The following DDHD1 variants were observed in gnomAD, a reference collection of about 807,000 sequenced individuals.
The protein encoded by DDHD1 is DDHD domain containing 1.
In DDHD1, 49 loss-of-function variants were observed where a neutral mutation model predicts 96.4. The ratio of observed to expected loss-of-function variants is 0.51; its 90% confidence interval spans 0.40 to 0.64. The LOEUF is 0.64. DDHD1 is among the 30% of genes least tolerant of loss of function. The pLI is 0.00. For synonymous variants in DDHD1, 442 were observed against 446.5 expected (o/e 0.99, Z 0.13); for missense variants, 1,106 against 1,161.2 (o/e 0.95, Z 0.69).
intron 1 of DDHD1, among the ~76,000 whole-genome samples, chr14:53,122,583 T>TTG (rs1889079810): frequency 2.2e-4 from 2 of 9,102 alleles, no homozygotes; most frequent in South Asian, 0.013. Context: ...CTGCTAATAG[T>TTG]TTTTTTTTTT....
intron 6 of DDHD1, among the ~76,000 whole-genome samples, chr14:53,064,607 A>G (rs1482802608): frequency 6.6e-6 from 1 of 152,124 alleles, no homozygotes; most frequent in Admixed American, 6.5e-5. Flanking sequence ...TGATACTAAA[A>G]TATTTCACTA....
At chr14:53,124,399 T>C (rs939079820) in intron 1 of DDHD1, among the ~76,000 whole-genome samples, 4 of 152,114 alleles carry the variant, frequency 2.6e-5, no homozygotes, top group African/African-American at 9.7e-5. Flanking sequence ...TCTAAAAGAA[T>C]AATGCAGGAC....
At chr14:53,103,580 T>A (rs968517654) in intron 2 of DDHD1, 103 bp downstream of exon 2, 1 of 987,188 alleles carries the variant, frequency 1.0e-6, no homozygotes, top group African/African-American at 1.7e-5. Context: ...ATTTTCTAAT[T>A]CTAAACCTCC....
chr14:53,153,213 C>T lies in DDHD1; in HGVS notation c.-115G>A, dbSNP rs1891601410. 5.2e-6 allele frequency: 5 copies of T among 968,970 alleles called. No homozygotes were observed. The highest frequency in any genetic ancestry group is 6.9e-6 in the Non-Finnish European group (5 of 724,010). 60.0% of individuals were successfully genotyped at this position (968,970 alleles called of 1,614,324 possible). A position where few individuals can be genotyped will look rare whatever the true frequency, so the allele number is the denominator to read the frequency against. On this transcript the variant is annotated 5_prime_UTR_variant, in exon 1 of 13. Coordinates refer to ENST00000673822, the MANE Select transcript of DDHD1 (RefSeq NM_001160148.2). ...CCCGAAGTTTCTAATCTTTCAAATC[C>T]CGACCCGAGCTGCGGCGGCAGCGGC...
chr14:53,059,372 G>C (rs2139853571), intron 8 of DDHD1, among the ~76,000 whole-genome samples: 1 of 152,074 alleles, frequency 6.6e-6, no homozygotes, highest in Admixed American at 6.5e-5. Context: ...AGCCTCCTGA[G>C]TAGCTGGAAC....
chr14:53,079,952 T>C (rs1034962517), intron 4 of DDHD1, among the ~76,000 whole-genome samples: 2 of 152,226 alleles, frequency 1.3e-5, no homozygotes, highest in East Asian at 1.9e-4. Flanking sequence ...TACTGCCACA[T>C]ACTCGTTTTC....
In DDHD1 at chr14:53,058,337, A is replaced by G. The variant is rs554815331; in HGVS notation, c.1992+140T>C. 3.3e-6 allele frequency: 3 copies of G among 902,990 alleles called. No homozygotes were observed. In the Admixed American group the frequency reaches 8.1e-5, roughly 25 times the overall value. The allele number at this position is 902,990 out of a possible 1,614,324, so 55.9% of individuals were successfully genotyped here. On this transcript the variant is annotated intron_variant, in intron 9 of 12. Coordinates refer to ENST00000673822, the MANE Select transcript of DDHD1 (RefSeq NM_001160148.2). ...ACCACATTGGTCAGGCTGGTCTTGA[A>G]CTCCTGACCTCAGATGATGCGCCCG...
intron 6 of DDHD1, 138 bp from the exon 7 acceptor site, chr14:53,063,343 C>CT (rs1379720924): frequency 3.1e-5 from 31 of 993,390 alleles, no homozygotes; most frequent in Non-Finnish European, 4.3e-5. Flanking sequence ...TAACTTAGGT[C>CT]TTTCAAAATC....
At chr14:53,135,152 T>C (rs1890139409) in intron 1 of DDHD1, among the ~76,000 whole-genome samples, 1 of 152,166 alleles carries the variant, frequency 6.6e-6, no homozygotes, top group South Asian at 2.1e-4. Context: ...AGCTAAGCCA[T>C]CATATCCCCT....
chr14:53,079,244 C>G (rs757574431), intron 4 of DDHD1, among the ~76,000 whole-genome samples: 12 of 151,950 alleles, frequency 7.9e-5, no homozygotes, highest in Non-Finnish European at 1.3e-4. Context: ...CTTCCTTCCT[C>G]TTCCATTTTT....
At chr14:53,073,631 T>C (rs910804200) in intron 5 of DDHD1, 110 bp downstream of exon 5, 219 of 775,460 alleles carry the variant, frequency 2.8e-4, no homozygotes, top group Non-Finnish European at 6.5e-5. Context: ...GACAATTAAA[T>C]TGAAGACACT....
chr14:53,112,713 C>A (rs535554955), intron 1 of DDHD1, among the ~76,000 whole-genome samples: 1 of 152,264 alleles, frequency 6.6e-6, no homozygotes, highest in African/African-American at 2.4e-5. Flanking sequence ...GTGTAAGTAA[C>A]ATGTGGAATA....
In DDHD1 at chr14:53,040,288, T is replaced by C. The variant is rs1285238066; in HGVS notation, c.*6480A>G. 6.6e-6 allele frequency: 1 copy of C among 152,224 alleles called. No homozygotes were observed. The highest frequency in any genetic ancestry group is 1.5e-5 in the Non-Finnish European group (1 of 68,040). The allele number at this position is 152,224 out of a possible 1,614,324, so 9.4% of individuals were successfully genotyped here. On this transcript the variant is annotated 3_prime_UTR_variant, in exon 13 of 13. Transcript: ENST00000673822. ...AAGTGTACTTTATCCTCTGATGTTCTAGAGGGAGTTGTGGCCACTAGCCTT... is the reference window on the plus strand; with the variant it reads ...AAGTGTACTTTATCCTCTGATGTTCCAGAGGGAGTTGTGGCCACTAGCCTT...
intron 2 of DDHD1, among the ~76,000 whole-genome samples, chr14:53,100,301 C>T (rs1887201659): frequency 6.6e-6 from 1 of 151,962 alleles, no homozygotes. Context: ...CATAGTGAGA[C>T]CCTGTCTCTA....
chr14:53,135,568 T>G (rs1890172548), intron 1 of DDHD1, among the ~76,000 whole-genome samples: 2 of 152,228 alleles, frequency 1.3e-5, no homozygotes, highest in Admixed American at 1.3e-4. Flanking sequence ...CACATCTCAA[T>G]TCTACTCTGT....
At chr14:53,082,028 T>C (rs1221870790) in intron 4 of DDHD1, among the ~76,000 whole-genome samples, 2 of 152,126 alleles carry the variant, frequency 1.3e-5, no homozygotes, top group African/African-American at 4.8e-5. Context: ...ATCTATTTCT[T>C]AAATATCTCA....
intron 4 of DDHD1, among the ~76,000 whole-genome samples, chr14:53,078,424 T>A (rs750295390): frequency 1.1e-4 from 16 of 152,186 alleles, no homozygotes; most frequent in African/African-American, 3.1e-4. Flanking sequence ...ATATCCTATT[T>A]CGACAAATGT....
chr14:53,146,552 T>C (rs1224923201), intron 1 of DDHD1, among the ~76,000 whole-genome samples: 1 of 152,142 alleles, frequency 6.6e-6, no homozygotes, highest in East Asian at 1.9e-4. Flanking sequence ...AATCTGTTGA[T>C]GCTAAAAAGC....
At chr14:53,052,818 C>T (rs977867914) in intron 11 of DDHD1, 1 of 151,692 alleles carries the variant, frequency 6.6e-6, no homozygotes, top group African/African-American at 2.4e-5. Context: ...TTTTACCATT[C>T]GGACTATCAA....
Sources: allele counts gnomAD v4.1 joint callset (sites outside exome capture counted in the v4.1 genomes callset), GRCh38; gene constraint gnomAD v4.1.1; transcripts MANE v1.5; gene names NCBI Gene and HGNC (gene_info 2026-07-23, HGNC 2026-07-21).